DIPK1C: variants seen among roughly 807,000 people sequenced by gnomAD.
DIPK1C encodes divergent protein kinase domain 1C, also known as familial non-conventional Alzheimer's dementia.
A neutral mutation model predicts 28.0 loss-of-function variants in DIPK1C; 33 were observed. The ratio of observed to expected loss-of-function variants is 1.18; its 90% CI spans 0.89 to 1.58. DIPK1C has a LOEUF of 1.58. Ranked by LOEUF, DIPK1C falls within the 40% of genes most tolerant of loss-of-function variation. The probability of loss-of-function intolerance (pLI) is 0.00; values close to 1 mark genes in which losing one functional copy is unlikely to be tolerated. For synonymous variants in DIPK1C, 255 were observed against 248.8 expected (o/e 1.02, Z -0.23); for missense variants, 569 against 568.5 (o/e 1.00, Z -0.01).
chr18:74,462,089 T>G (rs774896428), upstream of DIPK1C, among the ~76,000 whole-genome samples: 10 of 152,232 alleles, frequency 6.6e-5, no homozygotes, highest in Non-Finnish European at 1.5e-4. Context: ...GCAGATTTAT[T>G]GAGGTATAAT....
In DIPK1C at chr18:74,446,821, C is replaced by T. The variant is rs1294519362; in HGVS notation, c.661G>A (p.Ala221Thr). ...CTGCCCGCGGCCAGGAACTCCACCG[C>T]GTAGAAGTGGCCGCAGGAACCCAGC... ...PVLGSCGHFY[A>T]VEFLAAGSPH... is the part of the protein sequence containing the mutation. The change falls in exon 2 of 4, where the codon GCG (alanine) becomes ACG (threonine). Residue 221 changes from alanine to threonine, a missense_variant. By Grantham distance (58) the Ala-to-Thr change is moderately conservative (BLOSUM62 0). Coordinates refer to ENST00000343998, the MANE Select transcript of DIPK1C (RefSeq NM_001044369.3). 1.2e-5 allele frequency: 18 copies of T among 1,496,434 alleles called. No individual in the cohort carries two copies. The highest frequency in any genetic ancestry group is 2.3e-5 in the Admixed American group (1 of 43,314). The allele number at this position is 1,496,434 out of a possible 1,614,324, so 92.7% of individuals were successfully genotyped here.
At position 74,446,898 on chromosome 18, in the gene DIPK1C, T is replaced by A. The variant is rs1234118707; in HGVS notation, c.584A>T (p.Glu195Val). The A allele has an allele frequency of 6.6e-7, 1 of 1,515,054 alleles. No individual in the cohort carries two copies. Among genetic ancestry groups the A allele is most frequent in the African/African-American group, 1.4e-5 (1 of 72,144 alleles). 93.9% of individuals were successfully genotyped at this position (1,515,054 alleles called of 1,614,324 possible). A position where few individuals can be genotyped will look rare whatever the true frequency, so the allele number is the denominator to read the frequency against. Residue 195 changes from glutamate to valine, a missense_variant, in exon 2 of 4, where the codon GAG (glutamate) becomes GTG (valine). Transcript: ENST00000343998. Reference protein sequence around the residue: ...ASLWALLQQEEYVYFSLLQDL... With the variant: ...ASLWALLQQEVYVYFSLLQDL... ...CTGCAGCAGGCTGAAGTAGACGTAC[T>A]CCTCCTGCTGCAGCAGGGCCCACAG...
chr18:74,450,720 A>G (rs1489097263), intron 1 of DIPK1C, among the ~76,000 whole-genome samples: 1 of 152,230 alleles, frequency 6.6e-6, no homozygotes, highest in African/African-American at 2.4e-5. Flanking sequence ...CAACAGCTCC[A>G]GCTTTCCCAG....
chr18:74,442,651 C>T (rs1986169440), intron 2 of DIPK1C, among the ~76,000 whole-genome samples: 1 of 152,240 alleles, frequency 6.6e-6, no homozygotes, highest in Admixed American at 6.5e-5. Flanking sequence ...ACACAGGCAA[C>T]TGTCATAGCT....
Position 74,446,924 on chromosome 18 carries a change from G to T in DIPK1C, c.558C>A (p.Ser186Arg). Residue 186 changes from serine (S) to arginine (R), a missense_variant, in exon 2 of 4, where the codon AGC (serine) becomes AGA (arginine). Physicochemically the swap from Ser to Arg is moderately radical, Grantham distance 110 (BLOSUM62 -1). Transcript: ENST00000343998. ...RGPRWRGQLA[S>R]LWALLQQEEY... is the part of the protein sequence containing the mutation. Reference sequence around the variant, plus strand: ...CCTCCTGCTGCAGCAGGGCCCACAGGCTGGCCAGCTGTCCCCGCCAGCGTG... The same window carrying T: ...CCTCCTGCTGCAGCAGGGCCCACAGTCTGGCCAGCTGTCCCCGCCAGCGTG... 6.7e-7 allele frequency: 1 copy of T among 1,503,012 alleles called. No individual in the cohort carries two copies. 93.1% of individuals were successfully genotyped at this position (1,503,012 alleles called of 1,614,324 possible).
At position 74,436,673 on chromosome 18, in the gene DIPK1C, T is replaced by G; in HGVS notation, c.1088A>C (p.Lys363Thr). Residue 363 changes from lysine to threonine, a missense_variant, in exon 4 of 4, where the codon AAG (lysine) becomes ACG (threonine). Lys to Thr is a moderately conservative substitution (Grantham distance 78). Coordinates refer to ENST00000343998, the MANE Select transcript of DIPK1C (RefSeq NM_001044369.3). Reference sequence around the variant, plus strand: ...AAGCTGGAAAGAGACCGCAGAGCTCTTGAGAGGCGCGGAAAACCAATGGCG... The same window carrying G: ...AAGCTGGAAAGAGACCGCAGAGCTCGTGAGAGGCGCGGAAAACCAATGGCG... ...IFRHWFSAPLKSSAVSFQLQL... is the reference protein window; with the variant it reads ...IFRHWFSAPLTSSAVSFQLQL... The G allele has an allele frequency of 1.9e-6, 3 of 1,613,960 alleles. No individual in the cohort carries two copies. Among genetic ancestry groups the G allele is most frequent in the Non-Finnish European group, 1.7e-6 (2 of 1,179,992 alleles).
chr18:74,449,924 G>T (rs149570838), intron 1 of DIPK1C, among the ~76,000 whole-genome samples: 2 of 152,170 alleles, frequency 1.3e-5, no homozygotes, highest in Non-Finnish European at 2.9e-5. Context: ...GTCATGAAAG[G>T]TGCATGGGAG....
chr18:74,443,224 C>A (rs1986184231), intron 2 of DIPK1C, among the ~76,000 whole-genome samples: 1 of 152,192 alleles, frequency 6.6e-6, no homozygotes, highest in South Asian at 2.1e-4. Flanking sequence ...AATTATGCAG[C>A]TCTTCCTCCG....
At position 74,447,328 on chromosome 18, in the gene DIPK1C, C is replaced by G. The variant is rs1033696135; in HGVS notation, c.199-45G>C. On this transcript the variant is annotated intron_variant, in intron 1 of 3. Coordinates refer to ENST00000343998, the MANE Select transcript of DIPK1C (RefSeq NM_001044369.3). This position sits in a 1 kb window ranked among gnomAD's most constrained non-coding sequence, Gnocchi z 4.1. ...CGGTCACCATGGGGAGGGCCTGGTG[C>G]CATCCGTCTCTCGGCTCGGGTTAGG... 1 of 1,467,208 alleles carries G rather than the reference C, an allele frequency of 6.8e-7. No individual in the cohort carries two copies. Among genetic ancestry groups the G allele is most frequent in the Admixed American group, 2.3e-5 (1 of 44,340 alleles). 90.9% of individuals were successfully genotyped at this position (1,467,208 alleles called of 1,614,324 possible).
chr18:74,461,621 T>C (rs570171616), upstream of DIPK1C, among the ~76,000 whole-genome samples: 1 of 150,922 alleles, frequency 6.6e-6, no homozygotes, highest in East Asian at 2.0e-4. Context: ...CTCCTGCCTC[T>C]GCCTCCCATA....
chr18:74,455,817 A>C (rs1986499358), intron 1 of DIPK1C, among the ~76,000 whole-genome samples: 1 of 152,154 alleles, frequency 6.6e-6, no homozygotes, highest in Non-Finnish European at 1.5e-5. Flanking sequence ...AGGGGTCAAT[A>C]GAATCTATGA....
upstream of DIPK1C, among the ~76,000 whole-genome samples, chr18:74,459,955 G>A (rs1986592369): frequency 6.6e-6 from 1 of 152,162 alleles, no homozygotes; most frequent in South Asian, 2.1e-4. Context: ...CAGTCACAGG[G>A]GCCAGTCAGG....
At chr18:74,463,619 C>T in the DIPK1C span, among the ~76,000 whole-genome samples, 7 of 152,044 alleles carry the variant, frequency 4.6e-5, no homozygotes, top group East Asian at 1.9e-4. Context: ...TTCAGGCAAG[C>T]GCATGAAGAT....
At chr18:74,441,614 G>A (rs1407725656) in intron 3 of DIPK1C, among the ~76,000 whole-genome samples, 1 of 152,150 alleles carries the variant, frequency 6.6e-6, no homozygotes, top group Non-Finnish European at 1.5e-5. Flanking sequence ...TATTATCTTT[G>A]ATGGATTAGT....
chr18:74,460,772 G>GTTCA (rs905385608), upstream of DIPK1C, among the ~76,000 whole-genome samples: 4 of 152,200 alleles, frequency 2.6e-5, no homozygotes, highest in African/African-American at 9.7e-5. Flanking sequence ...CTTGATAGGA[G>GTTCA]TTCATTCATT....
At chr18:74,439,799 G>A (rs1401613681) in intron 3 of DIPK1C, among the ~76,000 whole-genome samples, 1 of 152,116 alleles carries the variant, frequency 6.6e-6, no homozygotes, top group Non-Finnish European at 1.5e-5. Context: ...TGGCCTGGGT[G>A]ATGAAGCGAA....
At chr18:74,464,646 C>T in the DIPK1C span, among the ~76,000 whole-genome samples, 2 of 152,184 alleles carry the variant, frequency 1.3e-5, no homozygotes, top group African/African-American at 4.8e-5. Context: ...CATAAACATA[C>T]AGAAACAGTT....
the DIPK1C span, among the ~76,000 whole-genome samples, chr18:74,464,160 G>A: frequency 6.6e-6 from 1 of 152,138 alleles, no homozygotes; most frequent in Non-Finnish European, 1.5e-5. Flanking sequence ...TATTGCATAG[G>A]AGAGTTGGTG....
chr18:74,439,356 G>A (rs548399082), intron 3 of DIPK1C, among the ~76,000 whole-genome samples: 3 of 152,266 alleles, frequency 2.0e-5, no homozygotes, highest in Admixed American at 6.5e-5. Context: ...TACCAGCACC[G>A]TTCACTATGC....
Sources: allele counts gnomAD v4.1 joint callset (sites outside exome capture counted in the v4.1 genomes callset), GRCh38; gene constraint gnomAD v4.1.1; non-coding constraint Gnocchi (gnomAD v3.1); transcripts MANE v1.5; gene names NCBI Gene and HGNC (gene_info 2026-07-23, HGNC 2026-07-21).